FAM135B: variants seen among roughly 807,000 people sequenced by gnomAD.
FAM135B encodes family with sequence similarity 135 member B, also known as protein FAM135B.
Under a neutral mutation model 127.7 loss-of-function variants are expected in FAM135B, and 43 were observed. The observed-to-expected ratio is 0.34, with a 90% confidence interval of 0.26 to 0.43. FAM135B has a LOEUF of 0.43. FAM135B is among the 20% of genes least tolerant of loss of function. FAM135B has a pLI of 1.00. For missense variants in FAM135B, 1,558 were observed against 1,725.6 expected, an observed-to-expected ratio of 0.90 and a Z score of 1.72; for synonymous variants, 670 against 665.1, an observed-to-expected ratio of 1.01 and a Z score of -0.11.
In FAM135B at chr8:138,408,075, G is replaced by A. The variant is rs114229916; in HGVS notation, c.-19-40073C>T. 3.1e-3 allele frequency among the ~76,000 whole-genome samples: 475 copies of A among 152,214 alleles called. 3 individuals carry two copies. Among genetic ancestry groups the A allele is most frequent in the African/African-American group, 0.011 (450 of 41,536 alleles). On this transcript the variant is annotated intron_variant, in intron 1 of 19. Coordinates refer to ENST00000395297, the MANE Select transcript of FAM135B (RefSeq NM_015912.4). ...AGAGTAGATTTAGTGTAATTCTTAA[G>A]GACCCTAGGATTTTTGGAACGGGAA...
chr8:138,394,251 C>T (rs906487261), intron 1 of FAM135B, among the ~76,000 whole-genome samples: 1 of 152,150 alleles, frequency 6.6e-6, no homozygotes, highest in South Asian at 2.1e-4. Context: ...GTGTGTTTGT[C>T]CCATGGGCCA....
rs1183213788 is a variant in FAM135B at position 138,449,506 on chromosome 8, G to A, written c.-20+47165C>T. Among the ~76,000 whole-genome samples, 8 of 152,122 alleles carry A rather than the reference G, an allele frequency of 5.3e-5. No individual in the cohort carries two copies. In the South Asian group the frequency reaches 8.3e-4, roughly 16 times the overall value. ...GTGAAACAGGAGCCGTAACCAATACGAAGGGGTGGTCATCTAAGTGGAAAC... is the reference window on the plus strand; with the variant it reads ...GTGAAACAGGAGCCGTAACCAATACAAAGGGGTGGTCATCTAAGTGGAAAC... On this transcript the variant is annotated intron_variant, in intron 1 of 19. Transcript: ENST00000395297.
chr8:138,242,511 C>T lies in FAM135B; in HGVS notation c.669+431G>A, dbSNP rs2130373102. 6.6e-6 allele frequency among the ~76,000 whole-genome samples: 1 copy of T among 152,114 alleles called. No individual in the cohort carries two copies. The highest frequency in any genetic ancestry group is 1.9e-4 in the East Asian group (1 of 5,160). On this transcript the variant is annotated intron_variant, in intron 7 of 19. Transcript: ENST00000395297. This position sits in a 1 kb window ranked among gnomAD's most constrained non-coding sequence, Gnocchi z 9.6. ...ACAACATTTGGGTACATATAACACT[C>T]CATGAGATTATTAGCTATTGGGGAG...
intron 12 of FAM135B, among the ~76,000 whole-genome samples, chr8:138,164,778 A>C (rs1405712289): frequency 6.6e-6 from 1 of 152,120 alleles, no homozygotes; most frequent in Non-Finnish European, 1.5e-5. Flanking sequence ...TGCTCTGACC[A>C]CCTTGGGTAC....
At position 138,152,961 on chromosome 8, in the gene FAM135B, C is replaced by T. The variant is rs1009509619; in HGVS notation, c.1514G>A (p.Gly505Asp). 6.2e-7 allele frequency: 1 copy of T among 1,614,180 alleles called. No homozygotes were observed. The highest frequency in any genetic ancestry group is 8.5e-7 in the Non-Finnish European group (1 of 1,180,044). The stretch of plus-strand genomic sequence containing the variant: ...CACACCTGCTTTGTTTTGAAATTCA[C>T]CAATTGATATATACACCTGAGATTC... ...CSESQVYISI[G>D]EFQNKAGVPE... Residue 505 changes from glycine to aspartate, a missense_variant, in exon 13 of 20, where the codon GGT becomes GAT. Physicochemically the swap from Gly to Asp is moderately conservative, Grantham distance 94 (BLOSUM62 -1). Coordinates refer to ENST00000395297, the MANE Select transcript of FAM135B (RefSeq NM_015912.4).
chr8:138,238,275 T>A (rs1820457863), intron 7 of FAM135B, among the ~76,000 whole-genome samples: 1 of 152,208 alleles, frequency 6.6e-6, no homozygotes, highest in African/African-American at 2.4e-5. Context: ...TCAGGCTGTA[T>A]GCTCAAGGCC....
chr8:138,402,471 G>A (rs980084080), intron 1 of FAM135B, among the ~76,000 whole-genome samples: 21 of 152,262 alleles, frequency 1.4e-4, no homozygotes, highest in Middle Eastern at 6.8e-3. Flanking sequence ...CCACAATTCT[G>A]TTATGTCTGC....
intron 15 of FAM135B, among the ~76,000 whole-genome samples, chr8:138,145,627 G>A (rs1817587097): frequency 6.6e-6 from 1 of 152,156 alleles, no homozygotes; most frequent in African/African-American, 2.4e-5. Flanking sequence ...TATAGAGCAG[G>A]TGCCCAAGTA....
chr8:138,309,858 CTTTTTTTTTTTTTTTT>C (rs145453026), intron 3 of FAM135B, among the ~76,000 whole-genome samples: 1 of 86,756 alleles, frequency 1.2e-5, no homozygotes, highest in East Asian at 3.4e-4. Context: ...AGTCTTTCTA[CTTTTTTTTTTTTTTTT>C]TTTTTTTTGG....
intron 1 of FAM135B, among the ~76,000 whole-genome samples, chr8:138,429,515 G>A (rs749654125): frequency 4.6e-5 from 7 of 152,114 alleles, no homozygotes; most frequent in Non-Finnish European, 1.0e-4. Context: ...ATTTGTTGAC[G>A]ACAAAAGAAA....
intron 1 of FAM135B, among the ~76,000 whole-genome samples, chr8:138,371,764 G>A (rs1039750076): frequency 6.6e-6 from 1 of 152,138 alleles, no homozygotes; most frequent in African/African-American, 2.4e-5. Flanking sequence ...CCGGCACCAT[G>A]TGCACACACA....
At chr8:138,225,355 A>G (rs1819331502) in intron 7 of FAM135B, among the ~76,000 whole-genome samples, 1 of 152,124 alleles carries the variant, frequency 6.6e-6, no homozygotes, top group Non-Finnish European at 1.5e-5. Context: ...AGCCAGGAAG[A>G]GAGCCCTCAC....
intron 1 of FAM135B, among the ~76,000 whole-genome samples, chr8:138,495,065 T>C (rs1407314916): frequency 2.0e-5 from 3 of 152,190 alleles, no homozygotes. Context: ...CCACTCTCTT[T>C]TCGTAGTTGA....
intron 3 of FAM135B, among the ~76,000 whole-genome samples, chr8:138,296,446 C>G (rs889368151): frequency 6.6e-6 from 1 of 152,194 alleles, no homozygotes; most frequent in Non-Finnish European, 1.5e-5. Flanking sequence ...GGAGCTCCTT[C>G]TTTCCCAGCC....
At chr8:138,482,713 G>C (rs1020763145) in intron 1 of FAM135B, among the ~76,000 whole-genome samples, 3 of 152,062 alleles carry the variant, frequency 2.0e-5, no homozygotes, top group Non-Finnish European at 2.9e-5. Context: ...TTTGATGAAA[G>C]GATTTATGCT....
At chr8:138,391,785 TATC>T (rs1832593030) in intron 1 of FAM135B, among the ~76,000 whole-genome samples, 1 of 152,214 alleles carries the variant, frequency 6.6e-6, no homozygotes, top group Non-Finnish European at 1.5e-5. Flanking sequence ...TAGGTATTAT[TATC>T]ATCATCCCCA....
chr8:138,133,430 A>T lies in FAM135B; in HGVS notation c.4016-632T>A, dbSNP rs577714650. Among the ~76,000 whole-genome samples the T allele has an allele frequency of 2.6e-5, 4 of 152,266 alleles. No homozygotes were observed. In the South Asian group the frequency reaches 8.3e-4, roughly 32 times the overall value. On this transcript the variant is annotated intron_variant, in intron 19 of 19. Coordinates refer to ENST00000395297, the MANE Select transcript of FAM135B (RefSeq NM_015912.4). ...AATTGAATTGCTGAACAATAGATAGATTTGCACACCTGGATCTACGATTCA... is the reference window on the plus strand; with the variant it reads ...AATTGAATTGCTGAACAATAGATAGTTTTGCACACCTGGATCTACGATTCA...
chr8:138,335,382 A>C (rs1389588100), intron 2 of FAM135B, among the ~76,000 whole-genome samples: 1 of 152,202 alleles, frequency 6.6e-6, no homozygotes, highest in Non-Finnish European at 1.5e-5. Context: ...GGCATACGTA[A>C]TTTTAAAACC....
intron 7 of FAM135B, among the ~76,000 whole-genome samples, chr8:138,239,500 G>A (rs1183251833): frequency 6.6e-6 from 1 of 152,134 alleles, no homozygotes; most frequent in Non-Finnish European, 1.5e-5. Flanking sequence ...CTCCCATTCT[G>A]TAGGTTGCCT....
Sources: allele counts gnomAD v4.1 joint callset (sites outside exome capture counted in the v4.1 genomes callset), GRCh38; gene constraint gnomAD v4.1.1; non-coding constraint Gnocchi (gnomAD v3.1); transcripts MANE v1.5; gene names NCBI Gene and HGNC (gene_info 2026-07-23, HGNC 2026-07-21).